Variants in ADM5 observed in about 807,000 individuals in gnomAD.
ADM5 encodes the protein adrenomedullin 5 (putative).
Under a neutral mutation model 2.9 loss-of-function variants are expected in ADM5, and 1 was observed. The observed-to-expected ratio is 0.35, with a 90% CI of 0.12 to 1.65. ADM5 has a LOEUF of 1.65. Ranked by LOEUF, ADM5 falls within the 40% of genes most tolerant of loss-of-function variation. ADM5 has a pLI of 0.36. For missense variants in ADM5, 192 were observed against 205.2 expected, an observed-to-expected ratio of 0.94 and a Z score of 0.39; for synonymous variants, 90 against 91.1, an observed-to-expected ratio of 0.99 and a Z score of 0.07.
rs2082282306 is a variant in ADM5, at chr19:49,689,614, G to A, written c.-224G>A. 7 of 609,954 alleles carry A rather than the reference G, an allele frequency of 1.1e-5. No homozygotes were observed. In the Admixed American group the frequency reaches 1.7e-4, roughly 15 times the overall value. 37.8% of individuals were successfully genotyped at this position (609,954 alleles called of 1,614,324 possible). A position where few individuals can be genotyped will look rare whatever the true frequency, so the allele number is the denominator to read the frequency against. ...ACCCCACACACCCAGTGAGGTCTCTGGAGCCGCGGTGCGGGAAGCGGGGAC... is the reference window on the plus strand; with the variant it reads ...ACCCCACACACCCAGTGAGGTCTCTAGAGCCGCGGTGCGGGAAGCGGGGAC... On this transcript the variant is annotated 5_prime_UTR_variant, in exon 1 of 2. Coordinates refer to ENST00000420022, the MANE Select transcript of ADM5 (RefSeq NM_001101340.2).
At chr19:49,689,991 G>T in intron 1 of ADM5, 80 bp downstream of exon 1, 2 of 1,609,770 alleles carry the variant, frequency 1.2e-6, no homozygotes, top group Non-Finnish European at 1.7e-6. Flanking sequence ...CCGCGGAACG[G>T]GCAGGTGATC....
Position 49,690,096 on chromosome 19 carries a change from C to T in ADM5, c.75-10C>T, listed in dbSNP as rs1368020811. Reference sequence around the variant, plus strand: ...TTTGAACCCGGTTTTCTCCCACGCTCCCTCTCCAGGCGAGGCCAGCACCAG... The same window carrying T: ...TTTGAACCCGGTTTTCTCCCACGCTTCCTCTCCAGGCGAGGCCAGCACCAG... On this transcript the variant is annotated splice_polypyrimidine_tract_variant and intron_variant, in intron 1 of 1. Transcript: ENST00000420022. This position sits in a 1 kb window ranked among gnomAD's most constrained non-coding sequence, Gnocchi z 4.4. 10 of 1,549,744 alleles carry T rather than the reference C, an allele frequency of 6.5e-6. No individual in the cohort carries two copies. The highest frequency in any genetic ancestry group is 1.2e-5 in the South Asian group (1 of 84,354).
intron 1 of ADM5, 41 bp downstream of exon 1, chr19:49,689,952 G>C (rs759799590): frequency 3.1e-6 from 5 of 1,613,650 alleles, no homozygotes; most frequent in Non-Finnish European, 4.2e-6. Flanking sequence ...GCGGGAGGGA[G>C]ACCGTAAAGG....
Position 49,689,795 on chromosome 19 carries a change from G to A in ADM5, c.-43G>A, listed in dbSNP as rs2082286941. On this transcript the variant is annotated 5_prime_UTR_variant, in exon 1 of 2. Coordinates refer to ENST00000420022, the MANE Select transcript of ADM5 (RefSeq NM_001101340.2). ...GCCCGGTGCGGGAACGGGGCGGGGT[G>A]GCCGCAACTACGGGCCACGGATCCT... The A allele has an allele frequency of 1.2e-6, 2 of 1,611,348 alleles. No homozygotes were observed. Among genetic ancestry groups the A allele is most frequent in the South Asian group, 1.1e-5 (1 of 91,030 alleles).
intron 1 of ADM5, 76 bp downstream of exon 1, chr19:49,689,987 A>AT: frequency 1.2e-6 from 2 of 1,610,468 alleles, no homozygotes; most frequent in Non-Finnish European, 1.7e-6. Flanking sequence ...CCGGCCGCGG[A>AT]ACGGGCAGGT....
At position 49,690,445 on chromosome 19, in the gene ADM5, T is replaced by C. The variant is rs1403950667; in HGVS notation, c.414T>C (p.Thr138=). Residue 138 remains threonine (T), a synonymous_variant, in exon 2 of 2, where the codon ACT becomes ACC. Transcript: ENST00000420022. The surrounding 1 kb of genome is among the most constrained non-coding windows in gnomAD (Gnocchi z 4.4). ...ELLLHISSPL[T]PAPETVFPSP... ...TACTCCACATTTCTTCTCCCCTAAC[T>C]CCAGCCCCTGAAACCGTCTTCCCCA... is the stretch of plus-strand genomic sequence containing the variant. The C allele has an allele frequency of 2.6e-6, 4 of 1,542,214 alleles. No individual in the cohort carries two copies. The highest frequency in any genetic ancestry group is 3.5e-6 in the Non-Finnish European group (4 of 1,140,452).
chr19:49,690,385 C>T lies in ADM5; in HGVS notation c.354C>T (p.Leu118=), dbSNP rs984191362. 9.0e-6 allele frequency: 14 copies of T among 1,551,458 alleles called. No homozygotes were observed. Among genetic ancestry groups the T allele is most frequent in the Non-Finnish European group, 1.2e-5 (14 of 1,146,894 alleles). The change falls in exon 2 of 2, where the codon CTC becomes CTT. Residue 118 remains leucine (L), a synonymous_variant. Transcript: ENST00000420022. The surrounding 1 kb of genome is among the most constrained non-coding windows in gnomAD (Gnocchi z 4.4). The part of the protein sequence containing the change: ...WVTSGTARPL[L]GFSLPICMLE... ...CCTCGGGCACGGCTCGTCCCCTCCTCGGCTTCAGTTTGCCTATCTGTATGT... is the reference window on the plus strand; with the variant it reads ...CCTCGGGCACGGCTCGTCCCCTCCTTGGCTTCAGTTTGCCTATCTGTATGT...
In ADM5 at chr19:49,689,728, G is replaced by A. The variant is rs780550954; in HGVS notation, c.-110G>A. On this transcript the variant is annotated 5_prime_UTR_variant, in exon 1 of 2. Transcript: ENST00000420022. ...GTTCCCCGCCTGGGAAGTGGGGACT[G>A]GCCCTGGTACCTGGCTCCAGAGCTG... 2.8e-4 allele frequency: 385 copies of A among 1,366,772 alleles called. 4 individuals are homozygous for A. In the Middle Eastern group the frequency reaches 0.01, roughly 37 times the overall value. The allele number at this position is 1,366,772 out of a possible 1,614,324, so 84.7% of individuals were successfully genotyped here.
Position 49,689,807 on chromosome 19 carries a change from G to A in ADM5, c.-31G>A, listed in dbSNP as rs1363308227. On this transcript the variant is annotated 5_prime_UTR_variant, in exon 1 of 2. Coordinates refer to ENST00000420022, the MANE Select transcript of ADM5 (RefSeq NM_001101340.2). Reference sequence around the variant, plus strand: ...AACGGGGCGGGGTGGCCGCAACTACGGGCCACGGATCCTGACCCGCCCTGC... The same window carrying A: ...AACGGGGCGGGGTGGCCGCAACTACAGGCCACGGATCCTGACCCGCCCTGC... The A allele has an allele frequency of 6.2e-7, 1 of 1,613,280 alleles. No individual in the cohort carries two copies. The highest frequency in any genetic ancestry group is 2.2e-5 in the East Asian group (1 of 44,872).
chr19:49,690,122 G>A lies in ADM5; in HGVS notation c.91G>A (p.Val31Ile). The change falls in exon 2 of 2, where the codon GTC becomes ATC. Residue 31 changes from valine (V) to isoleucine (I), a missense_variant. Coordinates refer to ENST00000420022, the MANE Select transcript of ADM5 (RefSeq NM_001101340.2). The surrounding 1 kb of genome is among the most constrained non-coding windows in gnomAD (Gnocchi z 4.4). ...CCTCTCCAGGCGAGGCCAGCACCAG[G>A]TCCCCCAGCACCGCGGGCACGTCTG... is the stretch of plus-strand genomic sequence containing the variant. ...DTAARRGQHQ[V>I]PQHRGHVCYL... is the part of the protein sequence containing the mutation. 4.5e-6 allele frequency: 7 copies of A among 1,560,432 alleles called. No homozygotes were observed. Among genetic ancestry groups the A allele is most frequent in the Non-Finnish European group, 4.3e-6 (5 of 1,152,124 alleles).
chr19:49,690,503 A>G lies in ADM5; in HGVS notation c.*10A>G. 1.3e-6 allele frequency: 2 copies of G among 1,491,306 alleles called. No individual in the cohort carries two copies. The highest frequency in any genetic ancestry group is 2.2e-5 in the Admixed American group (1 of 44,818). 92.4% of individuals were successfully genotyped at this position (1,491,306 alleles called of 1,614,324 possible). A position where few individuals can be genotyped will look rare whatever the true frequency, so the allele number is the denominator to read the frequency against. On this transcript the variant is annotated 3_prime_UTR_variant, in exon 2 of 2. Coordinates refer to ENST00000420022, the MANE Select transcript of ADM5 (RefSeq NM_001101340.2). The surrounding 1 kb of genome is among the most constrained non-coding windows in gnomAD (Gnocchi z 4.4). ...CCCGGGCTGCGACTAGGTTGGACCT[A>G]GAAGCACACGGGACCAGGCTGGGCG... is the stretch of plus-strand genomic sequence containing the variant.
Position 49,690,481 on chromosome 19 carries a change from G to T in ADM5, c.450G>T (p.Pro150=). The T allele has an allele frequency of 6.6e-7, 1 of 1,512,156 alleles. No individual in the cohort carries two copies. The highest frequency in any genetic ancestry group is 1.3e-5 in the South Asian group (1 of 79,332). The allele number at this position is 1,512,156 out of a possible 1,614,324, so 93.7% of individuals were successfully genotyped here. The change falls in exon 2 of 2, where the codon CCG becomes CCT. Residue 150 remains proline (P), a synonymous_variant. Coordinates refer to ENST00000420022, the MANE Select transcript of ADM5 (RefSeq NM_001101340.2). This position sits in a 1 kb window ranked among gnomAD's most constrained non-coding sequence, Gnocchi z 4.4. ...AAACCGTCTTCCCCAGTCCCTCCCC[G>T]GGCTGCGACTAGGTTGGACCTAGAA... ...APETVFPSPS[P]GCD
chr19:49,689,706 C>G lies in ADM5; in HGVS notation c.-132C>G, dbSNP rs1315291732. ...CCCACAGACTTTTGGCCTCAGTGTT[C>G]CCCGCCTGGGAAGTGGGGACTGGCC... is the stretch of plus-strand genomic sequence containing the variant. On this transcript the variant is annotated 5_prime_UTR_variant, in exon 1 of 2. Coordinates refer to ENST00000420022, the MANE Select transcript of ADM5 (RefSeq NM_001101340.2). The G allele has an allele frequency of 8.5e-7, 1 of 1,174,350 alleles. No individual in the cohort carries two copies. Among genetic ancestry groups the G allele is most frequent in the Admixed American group, 1.9e-5 (1 of 53,886 alleles). 72.7% of individuals were successfully genotyped at this position (1,174,350 alleles called of 1,614,324 possible). A position where few individuals can be genotyped will look rare whatever the true frequency, so the allele number is the denominator to read the frequency against.
In ADM5 at chr19:49,689,652, C is replaced by A; in HGVS notation, c.-186C>A. The A allele has an allele frequency of 2.8e-6, 2 of 706,780 alleles. No homozygotes were observed. Among genetic ancestry groups the A allele is most frequent in the Non-Finnish European group, 4.7e-6 (2 of 426,402 alleles). 43.8% of individuals were successfully genotyped at this position (706,780 alleles called of 1,614,324 possible). On this transcript the variant is annotated 5_prime_UTR_variant, in exon 1 of 2. Coordinates refer to ENST00000420022, the MANE Select transcript of ADM5 (RefSeq NM_001101340.2). ...GGGAAGCGGGGACCCGGGTTTGAAT[C>A]CTGCCCCTCTGGTGTGGTGCGGCCT...
chr19:49,690,158 G>T lies in ADM5; in HGVS notation c.127G>T (p.Val43Leu), dbSNP rs865921197. Reference protein sequence around the residue: ...QHRGHVCYLGVCRTHRLAEII... With the variant: ...QHRGHVCYLGLCRTHRLAEII... The stretch of plus-strand genomic sequence containing the variant: ...CCGCGGGCACGTCTGCTACCTGGGC[G>T]TATGCCGGACCCACCGCCTGGCGGA... The change falls in exon 2 of 2, where the codon GTA becomes TTA. Residue 43 changes from valine to leucine, a missense_variant. Transcript: ENST00000420022. This position sits in a 1 kb window ranked among gnomAD's most constrained non-coding sequence, Gnocchi z 4.4. 7.6e-6 allele frequency: 12 copies of T among 1,569,808 alleles called. No individual in the cohort carries two copies. The highest frequency in any genetic ancestry group is 1.9e-5 in the Admixed American group (1 of 53,210).
At position 49,690,065 on chromosome 19, in the gene ADM5, A is replaced by G. The variant is rs756223730; in HGVS notation, c.75-41A>G. On this transcript the variant is annotated intron_variant, in intron 1 of 1. Transcript: ENST00000420022. This position sits in a 1 kb window ranked among gnomAD's most constrained non-coding sequence, Gnocchi z 4.4. ...CACCTCCATCACGCTCCATCTCTCAATTCGGTTTGAACCCGGTTTTCTCCC... is the reference window on the plus strand; with the variant it reads ...CACCTCCATCACGCTCCATCTCTCAGTTCGGTTTGAACCCGGTTTTCTCCC... 10 of 1,550,150 alleles carry G rather than the reference A, an allele frequency of 6.5e-6. No individual in the cohort carries two copies. Among genetic ancestry groups the G allele is most frequent in the Non-Finnish European group, 8.7e-6 (10 of 1,145,454 alleles).
Position 49,689,768 on chromosome 19 carries a change from C to G in ADM5, c.-70C>G. Reference sequence around the variant, plus strand: ...CTCCAGAGCTGCACCCAGAGGCGATCAGCCCGGTGCGGGAACGGGGCGGGG... The same window carrying G: ...CTCCAGAGCTGCACCCAGAGGCGATGAGCCCGGTGCGGGAACGGGGCGGGG... On this transcript the variant is annotated 5_prime_UTR_variant, in exon 1 of 2. It adds an upstream start codon to the 5' untranslated region. Coordinates refer to ENST00000420022, the MANE Select transcript of ADM5 (RefSeq NM_001101340.2). 1 of 1,589,462 alleles carries G rather than the reference C, an allele frequency of 6.3e-7. No homozygotes were observed. Among genetic ancestry groups the G allele is most frequent in the East Asian group, 2.2e-5 (1 of 44,772 alleles).
In ADM5 at chr19:49,690,032, T is replaced by G. The variant is rs985303776; in HGVS notation, c.75-74T>G. 1.3e-6 allele frequency: 2 copies of G among 1,584,406 alleles called. No homozygotes were observed. Among genetic ancestry groups the G allele is most frequent in the African/African-American group, 2.7e-5 (2 of 74,272 alleles). On this transcript the variant is annotated intron_variant, in intron 1 of 1. Coordinates refer to ENST00000420022, the MANE Select transcript of ADM5 (RefSeq NM_001101340.2). The surrounding 1 kb of genome is among the most constrained non-coding windows in gnomAD (Gnocchi z 4.4). ...GCCTCCCCGCTGGTCTTGGAGTGCT[T>G]GGGTGCCCACCTCCATCACGCTCCA...
rs1419090115 is a variant in ADM5, at chr19:49,690,198, T to C, written c.167T>C (p.Ile56Thr). The C allele has an allele frequency of 6.4e-7, 1 of 1,562,658 alleles. No homozygotes were observed. Among genetic ancestry groups the C allele is most frequent in the Non-Finnish European group, 8.7e-7 (1 of 1,154,170 alleles). ...THRLAEIIYW[I>T]RCLHQGALGE... ...CGCCTGGCGGAGATCATATACTGGA[T>C]TCGCTGTCTCCACCAAGGAGCCCTC... Residue 56 changes from isoleucine to threonine, a missense_variant, in exon 2 of 2, where the codon ATT (isoleucine) becomes ACT (threonine). Ile to Thr is a moderately conservative substitution (Grantham distance 89). Coordinates refer to ENST00000420022, the MANE Select transcript of ADM5 (RefSeq NM_001101340.2). The surrounding 1 kb of genome is among the most constrained non-coding windows in gnomAD (Gnocchi z 4.4).
Sources: allele counts gnomAD v4.1 joint callset, GRCh38; gene constraint gnomAD v4.1.1; non-coding constraint Gnocchi (gnomAD v3.1); transcripts MANE v1.5; gene names NCBI Gene and HGNC (gene_info 2026-07-23, HGNC 2026-07-21).